CSMD2: variants seen among roughly 807,000 people sequenced by gnomAD.
CSMD2 encodes the protein CUB and Sushi multiple domains 2.
A neutral mutation model predicts 398.5 loss-of-function variants in CSMD2; 130 were observed. The ratio of observed to expected loss-of-function variants is 0.33; its 90% CI spans 0.28 to 0.38. The LOEUF (loss-of-function observed/expected upper bound fraction) is 0.38, where lower values mean the gene tolerates loss of function less well. Ranked by LOEUF, CSMD2 falls within the 10% of genes least tolerant of loss-of-function variation. The pLI is 1.00. For missense variants in CSMD2, 3,829 were observed against 4,764.9 expected (o/e 0.80, Z 5.78); for synonymous variants, 1,828 against 1,908.5 (o/e 0.96, Z 1.10).
At chr1:33,795,462 C>T (rs896948643) in intron 10 of CSMD2, among the ~76,000 whole-genome samples, 3 of 152,218 alleles carry the variant, frequency 2.0e-5, no homozygotes, top group Non-Finnish European at 1.5e-5. Context: ...ATCTCTGCAC[C>T]TGCTCCCTGC....
chr1:33,591,793 T>G (rs1320828112), intron 44 of CSMD2: 2 of 146,954 alleles, frequency 1.4e-5, no homozygotes, highest in Admixed American at 6.8e-5. Flanking sequence ...CCCAGCTAAT[T>G]TTTTTTTTTT....
At chr1:33,605,585 A>G in intron 41 of CSMD2, 115 bp from the exon 42 acceptor site, 1 of 1,053,616 alleles carries the variant, frequency 9.5e-7, no homozygotes. Context: ...TTTGTCATGT[A>G]CAAGTCATTG....
intron 5 of CSMD2, among the ~76,000 whole-genome samples, chr1:33,885,877 C>G (rs1390551127): frequency 1.3e-5 from 2 of 152,062 alleles, no homozygotes; most frequent in African/African-American, 4.8e-5. Context: ...CTATTACTTC[C>G]TAGCTGAGCC....
chr1:33,586,551 T>C lies in CSMD2; in HGVS notation c.7004A>G (p.Lys2335Arg). The part of the protein sequence containing the change: ...TLVGNEILTC[K>R]LGTYLQFEGP... Reference sequence around the variant, plus strand: ...TTCAAACTGCAGGTAGGTTCCAAGTTTGCAGGTCAGAATTTCATTCCCCAC... The same window carrying C: ...TTCAAACTGCAGGTAGGTTCCAAGTCTGCAGGTCAGAATTTCATTCCCCAC... Residue 2335 changes from lysine (K) to arginine (R), a missense_variant, in exon 46 of 71, where the codon AAA (lysine) becomes AGA (arginine). Transcript: ENST00000373381. 1 of 1,613,804 alleles carries C rather than the reference T, an allele frequency of 6.2e-7. No individual in the cohort carries two copies. The highest frequency in any genetic ancestry group is 8.5e-7 in the Non-Finnish European group (1 of 1,179,794).
chr1:33,815,055 T>TG (rs1657301411), intron 9 of CSMD2, among the ~76,000 whole-genome samples: 1 of 152,062 alleles, frequency 6.6e-6, no homozygotes, highest in Non-Finnish European at 1.5e-5. Context: ...TCCTGGGGGC[T>TG]GGGGGGCTAC....
intron 3 of CSMD2, among the ~76,000 whole-genome samples, chr1:33,983,541 G>C (rs1433960249): frequency 3.3e-5 from 5 of 151,970 alleles, no homozygotes; most frequent in Non-Finnish European, 7.4e-5. Flanking sequence ...GGACAGACCT[G>C]GTTCTCACAG....
chr1:33,637,303 G>T (rs769347590), intron 29 of CSMD2, among the ~76,000 whole-genome samples: 1 of 152,142 alleles, frequency 6.6e-6, no homozygotes. Context: ...ACTGGGTATT[G>T]GGTGCTTGCC....
At chr1:33,726,797 G>GA in intron 15 of CSMD2, 112 bp from the exon 16 acceptor site, 4 of 1,169,186 alleles carry the variant, frequency 3.4e-6, no homozygotes, top group Non-Finnish European at 3.5e-6. Flanking sequence ...TGTTTTTATG[G>GA]AAAATTACAT....
chr1:34,076,928 A>AAAAAAAATAT (rs1232288848), intron 2 of CSMD2, among the ~76,000 whole-genome samples: 15 of 53,594 alleles, frequency 2.8e-4, no homozygotes, highest in African/African-American at 6.0e-4. Context: ...AAAAAAAAAA[A>AAAAAAAATAT]ATATATATAT....
intron 3 of CSMD2, among the ~76,000 whole-genome samples, chr1:33,981,857 A>G (rs1408849): frequency 0.068 from 10,319 of 152,242 alleles, 816 homozygotes; most frequent in East Asian, 0.37. Context: ...GGGCTGCAGG[A>G]TAAGAAGCAC....
chr1:33,832,330 A>G (rs1659680060), intron 6 of CSMD2, among the ~76,000 whole-genome samples: 2 of 151,838 alleles, frequency 1.3e-5, no homozygotes, highest in South Asian at 4.2e-4. Flanking sequence ...ACACAGTGCA[A>G]TCAAACTAGA....
intron 3 of CSMD2, among the ~76,000 whole-genome samples, chr1:33,973,052 C>A (rs1394822720): frequency 6.6e-6 from 1 of 152,172 alleles, no homozygotes; most frequent in Non-Finnish European, 1.5e-5. Flanking sequence ...CAGCCTCTGA[C>A]CCCAAGACTC....
chr1:33,545,776 T>C (rs558447344), intron 57 of CSMD2, among the ~76,000 whole-genome samples: 8 of 152,326 alleles, frequency 5.3e-5, no homozygotes, highest in Non-Finnish European at 1.2e-4. Flanking sequence ...TGAAACTATA[T>C]GGGAAATGAA....
chr1:33,666,541 ATGTGTGTGTGTGTG>A (rs67825405), intron 25 of CSMD2, among the ~76,000 whole-genome samples: 21 of 148,740 alleles, frequency 1.4e-4, no homozygotes, highest in African/African-American at 3.7e-4. Context: ...AGATATATAT[ATGTGTGTGTGTGTG>A]TGTGTGTGTG....
chr1:34,120,031 C>A (rs1662008544), intron 1 of CSMD2, among the ~76,000 whole-genome samples: 1 of 152,146 alleles, frequency 6.6e-6, no homozygotes, highest in Admixed American at 6.5e-5. Flanking sequence ...AATGTACCTA[C>A]ATGGATGAAT....
At chr1:33,864,624 A>T in intron 5 of CSMD2, 1 of 1,613,996 alleles carries the variant, frequency 6.2e-7, no homozygotes, top group South Asian at 1.1e-5. Context: ...TTATGAGCAA[A>T]GAGTGGCTCT....
At chr1:33,611,367 C>G in intron 40 of CSMD2, 117 bp from the exon 41 acceptor site, 2 of 854,968 alleles carry the variant, frequency 2.3e-6, no homozygotes, top group African/African-American at 3.3e-5. Context: ...ATTTCCCACC[C>G]AGCCAAGGCT....
chr1:33,624,912 G>T lies in CSMD2; in HGVS notation c.5500+139C>A. 1.1e-6 allele frequency: 1 copy of T among 951,858 alleles called. No individual in the cohort carries two copies. 59.0% of individuals were successfully genotyped at this position (951,858 alleles called of 1,614,324 possible). ...ACAGCGCCGGGGACTGGGGTTGACTGGGACACCCCACCTCAGCCATGCGGT... is the reference window on the plus strand; with the variant it reads ...ACAGCGCCGGGGACTGGGGTTGACTTGGACACCCCACCTCAGCCATGCGGT... On this transcript the variant is annotated intron_variant, in intron 34 of 70. Transcript: ENST00000373381. This position sits in a 1 kb window ranked among gnomAD's most constrained non-coding sequence, Gnocchi z 4.7.
chr1:33,837,808 T>C (rs900141756), intron 6 of CSMD2, among the ~76,000 whole-genome samples: 1 of 152,234 alleles, frequency 6.6e-6, no homozygotes, highest in Non-Finnish European at 1.5e-5. Flanking sequence ...TCTTACTAGG[T>C]ACATTCATCT....
Sources: allele counts gnomAD v4.1 joint callset (sites outside exome capture counted in the v4.1 genomes callset), GRCh38; gene constraint gnomAD v4.1.1; non-coding constraint Gnocchi (gnomAD v3.1); transcripts MANE v1.5; gene names NCBI Gene and HGNC (gene_info 2026-07-23, HGNC 2026-07-21).